Variants in SNX29 observed in about 807,000 individuals in gnomAD.
SNX29 encodes the protein sorting nexin 29, also known as sorting nexin-29.
Under a neutral mutation model 102.1 loss-of-function variants are expected in SNX29, and 78 were observed. That is an observed-to-expected ratio of 0.76 (90% CI 0.64 to 0.92). The LOEUF is 0.92. SNX29 is among the 40% of genes least tolerant of loss of function. The probability of loss-of-function intolerance (pLI) is 0.00; values close to 1 mark genes in which losing one functional copy is unlikely to be tolerated. For synonymous variants in SNX29, 580 were observed against 414.5 expected (o/e 1.40, Z -4.85); for missense variants, 1,280 against 1,061.7 (o/e 1.21, Z -2.86).
Position 12,366,752 on chromosome 16 carries a change from G to A in SNX29, c.1899+10473G>A, listed in dbSNP as rs563913025. Among the ~76,000 whole-genome samples the A allele has an allele frequency of 1.4e-4, 21 of 152,204 alleles. No homozygotes were observed. The South Asian group carries it at 4.0e-3, about 29-fold the overall frequency. ...TTTGTTTCTTCTTTGGTCTCTGTGT[G>A]CTTCTCTTTTTGTTTTTCTTTTGTG... On this transcript the variant is annotated intron_variant, in intron 16 of 20. Coordinates refer to ENST00000566228, the MANE Select transcript of SNX29 (RefSeq NM_032167.5).
chr16:12,400,678 A>T (rs928477566), intron 17 of SNX29, among the ~76,000 whole-genome samples: 1 of 152,262 alleles, frequency 6.6e-6, no homozygotes, highest in Non-Finnish European at 1.5e-5. Context: ...TTACAATAAT[A>T]GTAAATAATT....
At chr16:12,502,633 T>A (rs528759150) in intron 19 of SNX29, among the ~76,000 whole-genome samples, 36 of 152,330 alleles carry the variant, frequency 2.4e-4, no homozygotes, top group Non-Finnish European at 4.3e-4. Context: ...GCCAAGGAAT[T>A]CTTATCCTGG....
chr16:12,118,110 A>G (rs1041049523), intron 11 of SNX29, among the ~76,000 whole-genome samples: 1 of 151,954 alleles, frequency 6.6e-6, no homozygotes, highest in Non-Finnish European at 1.5e-5. Context: ...AATAAAAACA[A>G]AGAAAAAAAA....
chr16:12,380,975 C>T (rs2083096815), intron 16 of SNX29, among the ~76,000 whole-genome samples: 1 of 110,560 alleles, frequency 9.0e-6, no homozygotes, highest in Non-Finnish European at 1.8e-5. Context: ...TTCATCCACC[C>T]ACCATCCATC....
At chr16:12,011,189 GTTTT>G (rs369528003) in intron 3 of SNX29, among the ~76,000 whole-genome samples, 5 of 124,050 alleles carry the variant, frequency 4.0e-5, no homozygotes, top group African/African-American at 6.0e-5. Context: ...ATTGCTTGGG[GTTTT>G]TTTTTTTTTT....
intron 18 of SNX29, among the ~76,000 whole-genome samples, chr16:12,437,581 C>T (rs1009885703): frequency 1.1e-4 from 17 of 152,262 alleles, no homozygotes; most frequent in Admixed American, 3.3e-4. Context: ...TCTGTCTCCC[C>T]GAATTGCTGG....
chr16:12,280,605 A>T (rs369599790), intron 15 of SNX29, among the ~76,000 whole-genome samples: 1 of 152,158 alleles, frequency 6.6e-6, no homozygotes, highest in East Asian at 1.9e-4. Flanking sequence ...GTTGAAGCAG[A>T]CATGTCCTCA....
rs888187299 is a variant in SNX29, at chr16:12,548,520, T to G, written c.2319-19986T>G. ...GTTGTCTTGTCTGGACCAGATGCTT[T>G]GAGGGTGCAGCCTTCTGGGAATTCC... On this transcript the variant is annotated intron_variant, in intron 20 of 20. Transcript: ENST00000566228. Among the ~76,000 whole-genome samples the G allele has an allele frequency of 2.0e-5, 3 of 152,220 alleles. No homozygotes were observed. The East Asian group carries it at 5.8e-4, about 29-fold the overall frequency.
At chr16:12,243,618 C>T (rs540190936) in intron 14 of SNX29, among the ~76,000 whole-genome samples, 1 of 152,166 alleles carries the variant, frequency 6.6e-6, no homozygotes, top group South Asian at 2.1e-4. Flanking sequence ...AGTCTGATAC[C>T]CTATTTTGGC....
chr16:12,176,370 T>A (rs1321414592), intron 13 of SNX29, among the ~76,000 whole-genome samples: 1 of 152,212 alleles, frequency 6.6e-6, no homozygotes, highest in African/African-American at 2.4e-5. Flanking sequence ...CGTGCCCCGG[T>A]TTCCATTTAT....
intron 20 of SNX29, chr16:12,545,396 C>T (rs1320560002): frequency 6.6e-6 from 1 of 152,250 alleles, no homozygotes; most frequent in African/African-American, 2.4e-5. Context: ...GTATTGTCCG[C>T]TTCCTAACCG....
At chr16:12,006,503 C>T (rs1413121205) in intron 3 of SNX29, among the ~76,000 whole-genome samples, 17 of 130,120 alleles carry the variant, frequency 1.3e-4, no homozygotes, top group East Asian at 4.2e-4. Context: ...GCAACAAGAG[C>T]GATACTGTCT....
intron 14 of SNX29, among the ~76,000 whole-genome samples, chr16:12,207,288 G>A (rs931777914): frequency 6.6e-6 from 1 of 152,130 alleles, no homozygotes; most frequent in African/African-American, 2.4e-5. Flanking sequence ...AGAATTGCTT[G>A]AACCTGGGAG....
At chr16:12,441,625 C>T (rs549455704) in intron 18 of SNX29, among the ~76,000 whole-genome samples, 55 of 152,218 alleles carry the variant, frequency 3.6e-4, no homozygotes, top group African/African-American at 8.2e-4. Context: ...TTTTTAATGT[C>T]GGTAAAGTCC....
At chr16:12,309,587 C>G (rs1303800909) in intron 15 of SNX29, among the ~76,000 whole-genome samples, 1 of 152,136 alleles carries the variant, frequency 6.6e-6, no homozygotes, top group Admixed American at 6.5e-5. Flanking sequence ...ACCATGGTGT[C>G]CCAGAGCCCA....
intron 1 of SNX29, 121 bp downstream of exon 1, chr16:11,976,934 T>A (rs1222614428): frequency 1.6e-6 from 2 of 1,223,430 alleles, no homozygotes; most frequent in South Asian, 2.9e-5. Flanking sequence ...TCCCAGTCGC[T>A]CCCTTTTCCA....
intron 18 of SNX29, among the ~76,000 whole-genome samples, chr16:12,417,282 C>T (rs2084674974): frequency 6.6e-6 from 1 of 152,222 alleles, no homozygotes; most frequent in African/African-American, 2.4e-5. Context: ...ACTGGGCTTC[C>T]TGTGTTCAGC....
At chr16:12,181,163 A>T (rs1424252979) in intron 13 of SNX29, among the ~76,000 whole-genome samples, 1 of 152,176 alleles carries the variant, frequency 6.6e-6, no homozygotes, top group African/African-American at 2.4e-5. Context: ...AACGTGGCCC[A>T]CCACGCTTTT....
chr16:12,206,227 A>G (rs1022824505), intron 14 of SNX29, among the ~76,000 whole-genome samples: 4 of 152,192 alleles, frequency 2.6e-5, no homozygotes, highest in Non-Finnish European at 5.9e-5. Flanking sequence ...TAAGCCAAAT[A>G]CAAGAGAAGT....
Sources: gnomAD v4.1 joint callset for allele counts (sites outside exome capture counted in the v4.1 genomes callset) on GRCh38, gnomAD v4.1.1 for gene constraint, MANE v1.5 for transcripts, NCBI Gene and HGNC (gene_info 2026-07-23, HGNC 2026-07-21) for gene names.